CSGALNACT1: variants seen among roughly 807,000 people sequenced by gnomAD.
CSGALNACT1 encodes the protein beta4GalNAcT-1.
In CSGALNACT1, 52 loss-of-function variants were observed where a neutral mutation model predicts 51.0. The ratio of observed to expected loss-of-function variants is 1.02; its 90% CI spans 0.82 to 1.29. The LOEUF (loss-of-function observed/expected upper bound fraction) is 1.29. Ranked by LOEUF, CSGALNACT1 falls within the 50% of genes most tolerant of loss-of-function variation. The probability of loss-of-function intolerance (pLI) is 0.00; values close to 1 mark genes in which losing one functional copy is unlikely to be tolerated. For synonymous variants in CSGALNACT1, 341 were observed against 254.4 expected (o/e 1.34, Z -3.24); for missense variants, 935 against 679.2 (o/e 1.38, Z -4.19).
chr8:19,438,504 C>CA (rs1178028178), intron 6 of CSGALNACT1, among the ~76,000 whole-genome samples: 2 of 152,190 alleles, frequency 1.3e-5, no homozygotes, highest in Non-Finnish European at 2.9e-5. Context: ...TGATCTTAGA[C>CA]ACAGGCCATA....
chr8:19,642,982 G>A (rs928311646), intron 1 of CSGALNACT1, among the ~76,000 whole-genome samples: 1 of 152,046 alleles, frequency 6.6e-6, no homozygotes, highest in African/African-American at 2.4e-5. Context: ...ACAGGAGCTG[G>A]AAGAAAATAC....
chr8:19,440,466 C>A (rs934139232), intron 5 of CSGALNACT1, among the ~76,000 whole-genome samples: 7 of 151,554 alleles, frequency 4.6e-5, no homozygotes, highest in African/African-American at 1.7e-4. Context: ...AAGACAAAAA[C>A]CACATGATTA....
intron 3 of CSGALNACT1, among the ~76,000 whole-genome samples, chr8:19,578,208 G>C (rs1173188928): frequency 6.6e-6 from 1 of 152,176 alleles, no homozygotes. Context: ...TATGCCATTT[G>C]CATTTAAAAT....
chr8:19,655,517 TC>T (rs1171894877), intron 1 of CSGALNACT1, among the ~76,000 whole-genome samples: 1 of 151,452 alleles, frequency 6.6e-6, no homozygotes, highest in African/African-American at 2.4e-5. Flanking sequence ...GTGCCACCAT[TC>T]CCCACTAATT....
intron 3 of CSGALNACT1, among the ~76,000 whole-genome samples, chr8:19,578,340 A>G (rs914710825): frequency 5.9e-5 from 9 of 152,194 alleles, no homozygotes; most frequent in African/African-American, 2.2e-4. Context: ...ACCATTTGTC[A>G]TGCTCTGGGA....
At chr8:19,603,875 T>G (rs1328538027), upstream of CSGALNACT1, among the ~76,000 whole-genome samples, 1 of 152,160 alleles carries the variant, frequency 6.6e-6, no homozygotes, top group African/African-American at 2.4e-5. Flanking sequence ...CACATAATCA[T>G]TAATAATCTA....
intron 4 of CSGALNACT1, among the ~76,000 whole-genome samples, chr8:19,496,888 T>A (rs1181229208): frequency 6.6e-6 from 1 of 152,056 alleles, no homozygotes; most frequent in Non-Finnish European, 1.5e-5. Context: ...ATAAAAATGA[T>A]CAGAAAGAAC....
chr8:19,658,919 TG>T (rs934675440), intron 1 of CSGALNACT1, among the ~76,000 whole-genome samples: 3 of 152,184 alleles, frequency 2.0e-5, no homozygotes, highest in Non-Finnish European at 4.4e-5. Context: ...AATAGGTCTT[TG>T]GGGCATGATA....
intron 4 of CSGALNACT1, among the ~76,000 whole-genome samples, chr8:19,493,871 TACACAC>T (rs57708862): frequency 0.14 from 20,647 of 148,990 alleles, 1,530 homozygotes; most frequent in Middle Eastern, 0.17. Context: ...TGTGTGTTTA[TACACAC>T]ACACACACAC....
chr8:19,741,264 G>A (rs926800634), intron 1 of CSGALNACT1, among the ~76,000 whole-genome samples: 6 of 152,170 alleles, frequency 3.9e-5, no homozygotes, highest in African/African-American at 1.4e-4. Flanking sequence ...CAAGCCCTCA[G>A]AGGTGAAAAG....
At chr8:19,679,709 C>T (rs1033064477) in intron 1 of CSGALNACT1, among the ~76,000 whole-genome samples, 1 of 152,190 alleles carries the variant, frequency 6.6e-6, no homozygotes, top group Non-Finnish European at 1.5e-5. Context: ...TATTCACCAG[C>T]TACCCACAAA....
At chr8:19,748,718 A>T (rs899333915) in intron 1 of CSGALNACT1, among the ~76,000 whole-genome samples, 6 of 152,212 alleles carry the variant, frequency 3.9e-5, no homozygotes, top group African/African-American at 1.2e-4. Context: ...TAAACCCAGC[A>T]CTTTGGGAGA....
At chr8:19,585,514 C>A (rs1254939094) in intron 3 of CSGALNACT1, among the ~76,000 whole-genome samples, 1 of 152,194 alleles carries the variant, frequency 6.6e-6, no homozygotes, top group South Asian at 2.1e-4. Flanking sequence ...TTCATCTCAG[C>A]CTTGGATGTT....
At chr8:19,481,890 C>A (rs1241521348) in intron 4 of CSGALNACT1, among the ~76,000 whole-genome samples, 4 of 152,158 alleles carry the variant, frequency 2.6e-5, no homozygotes, top group Non-Finnish European at 5.9e-5. Context: ...TCAACTGAAG[C>A]AACTTTTGAA....
At chr8:19,586,440 G>C (rs1458700918) in intron 3 of CSGALNACT1, among the ~76,000 whole-genome samples, 2 of 150,686 alleles carry the variant, frequency 1.3e-5, no homozygotes, top group South Asian at 2.1e-4. Flanking sequence ...GAAGAACTTA[G>C]ACAACTCTTC....
chr8:19,539,905 T>A (rs1280130490), intron 3 of CSGALNACT1, among the ~76,000 whole-genome samples: 1 of 152,106 alleles, frequency 6.6e-6, no homozygotes, highest in Non-Finnish European at 1.5e-5. Context: ...TGAGGTAGCC[T>A]GGAAAGAAAG....
intron 1 of CSGALNACT1, among the ~76,000 whole-genome samples, chr8:19,692,503 A>G (rs2154216277): frequency 6.6e-6 from 1 of 152,248 alleles, no homozygotes; most frequent in Non-Finnish European, 1.5e-5. Flanking sequence ...GATGATGGGG[A>G]GGATGAAAAT....
chr8:19,553,926 C>CACACACACAT (rs71205932), intron 3 of CSGALNACT1, among the ~76,000 whole-genome samples: 1 of 151,102 alleles, frequency 6.6e-6, no homozygotes, highest in Admixed American at 6.6e-5. Flanking sequence ...CACACACACA[C>CACACACACAT]CCAGAATCAA....
intron 1 of CSGALNACT1, among the ~76,000 whole-genome samples, chr8:19,610,534 G>C (rs937357217): frequency 6.6e-6 from 1 of 151,980 alleles, no homozygotes; most frequent in Non-Finnish European, 1.5e-5. Flanking sequence ...GGAGCACATC[G>C]GTGGAGGAAC....
Sources: gnomAD v4.1 joint callset for allele counts (sites outside exome capture counted in the v4.1 genomes callset) on GRCh38, gnomAD v4.1.1 for gene constraint, MANE v1.5 for transcripts, NCBI Gene and HGNC (gene_info 2026-07-23, HGNC 2026-07-21) for gene names.